The following FRMPD4 variants were observed in gnomAD, a reference collection of about 807,000 sequenced individuals.
FRMPD4 encodes the protein FERM and PDZ domain containing 4.
In FRMPD4, 22 loss-of-function variants were observed where a neutral mutation model predicts 94.1. That is an observed-to-expected ratio of 0.23 (90% confidence interval 0.17 to 0.33). The LOEUF (loss-of-function observed/expected upper bound fraction) is 0.33. Ranked by LOEUF, FRMPD4 falls within the 10% of genes least tolerant of loss-of-function variation. FRMPD4 has a pLI of 1.00. For missense variants in FRMPD4, 1,111 were observed against 1,339.9 expected (o/e 0.83, Z 2.67); for synonymous variants, 631 against 548.6 (o/e 1.15, Z -2.10).
chrX:12,630,218 A>C lies in FRMPD4; in HGVS notation c.422+15337A>C, dbSNP rs192945755. ...GAATGACCCAAATCAGGGATGAACAAACTTTTCCCTTAAAAGGCCCAGATA... is the reference window on the plus strand; with the variant it reads ...GAATGACCCAAATCAGGGATGAACACACTTTTCCCTTAAAAGGCCCAGATA... On this transcript the variant is annotated intron_variant, in intron 4 of 16. Transcript: ENST00000675598. Among the ~76,000 whole-genome samples the C allele has an allele frequency of 1.9e-3, 211 of 112,634 alleles. 1 individual carries two copies. Among genetic ancestry groups the C allele is most frequent in the South Asian group, 0.014 (38 of 2,713 alleles).
chrX:12,220,907 T>C (rs2056858508), intron 1 of FRMPD4, among the ~76,000 whole-genome samples: 1 of 112,071 alleles, frequency 8.9e-6, no homozygotes, highest in African/African-American at 3.2e-5. Flanking sequence ...GCAGATAATT[T>C]AGAGCAAGAT....
chrX:11,969,583 G>C (rs1238341854), intron 3 of FRMPD4, among the ~76,000 whole-genome samples: 2 of 111,780 alleles, frequency 1.8e-5, no homozygotes, highest in African/African-American at 6.5e-5. Context: ...GTTGAAAGTT[G>C]CCTAAATAAA....
intron 3 of FRMPD4, among the ~76,000 whole-genome samples, chrX:12,084,210 T>C (rs1474050001): frequency 9.7e-6 from 1 of 102,830 alleles, no homozygotes; most frequent in African/African-American, 3.6e-5. Context: ...TGGGGGCTGG[T>C]CTTTCCTGTG....
At chrX:11,979,048 T>C (rs1263123456) in intron 3 of FRMPD4, among the ~76,000 whole-genome samples, 1 of 111,327 alleles carries the variant, frequency 9.0e-6, no homozygotes, top group Non-Finnish European at 1.9e-5. Flanking sequence ...AAAAGTAAAG[T>C]AAAAACCCAT....
intron 1 of FRMPD4, among the ~76,000 whole-genome samples, chrX:12,412,149 A>G (rs750180271): frequency 8.9e-6 from 1 of 112,442 alleles, no homozygotes; most frequent in African/African-American, 3.2e-5. Context: ...GTGATTCAAA[A>G]GTAAGCACAA....
chrX:12,623,724 T>C (rs1401031962), intron 4 of FRMPD4, among the ~76,000 whole-genome samples: 3 of 109,645 alleles, frequency 2.7e-5, no homozygotes, highest in African/African-American at 1.0e-4. Context: ...ATAACCAAAT[T>C]TTTAAAAGCC....
intron 1 of FRMPD4, among the ~76,000 whole-genome samples, chrX:12,256,517 C>T (rs888236105): frequency 1.8e-5 from 2 of 111,865 alleles, no homozygotes; most frequent in Admixed American, 1.9e-4. Flanking sequence ...CTTGGAGCCT[C>T]ATTGCAGGGC....
rs767610262 is a variant in FRMPD4 at position 12,175,242 on chromosome X, G to T, written c.41+36230G>T. ...ATGGAGGGCAAGGAATAAAGAATGG[G>T]CAGGAGATGAGAGACATCAATAAAT... On this transcript the variant is annotated intron_variant, in intron 1 of 16. Transcript: ENST00000675598. Among the ~76,000 whole-genome samples the T allele has an allele frequency of 4.5e-5, 5 of 112,131 alleles. No homozygotes were observed. In the East Asian group the frequency reaches 1.1e-3, roughly 25 times the overall value.
At chrX:11,825,948 G>A (rs188157566) in intron 1 of FRMPD4, among the ~76,000 whole-genome samples, 88 of 112,021 alleles carry the variant, frequency 7.9e-4, no homozygotes, top group African/African-American at 2.8e-3. Flanking sequence ...GTTTTTAATA[G>A]AGACGTGTAC....
intron 1 of FRMPD4, among the ~76,000 whole-genome samples, chrX:12,204,683 C>T (rs1397317966): frequency 2.7e-5 from 3 of 111,046 alleles, no homozygotes; most frequent in Non-Finnish European, 5.7e-5. Flanking sequence ...ACGCCTTTTC[C>T]CTTCTCTTCT....
chrX:12,659,760 C>G (rs1208070583), intron 4 of FRMPD4, among the ~76,000 whole-genome samples: 2 of 112,494 alleles, frequency 1.8e-5, no homozygotes, highest in African/African-American at 3.2e-5. Flanking sequence ...TCATGAAAAG[C>G]TGCTGCCTTT....
At chrX:11,896,274 C>T (rs756563182) in intron 3 of FRMPD4, among the ~76,000 whole-genome samples, 1 of 112,280 alleles carries the variant, frequency 8.9e-6, no homozygotes, top group Non-Finnish European at 1.9e-5. Flanking sequence ...CTTTTCACCC[C>T]CCGCAGTGCC....
At chrX:12,188,572 A>G (rs1261503404) in intron 1 of FRMPD4, among the ~76,000 whole-genome samples, 1 of 111,903 alleles carries the variant, frequency 8.9e-6, no homozygotes, top group African/African-American at 3.2e-5. Context: ...TAACGTTTTA[A>G]CTGAGCACAG....
chrX:11,923,151 T>C (rs2054067491), intron 3 of FRMPD4, among the ~76,000 whole-genome samples: 1 of 113,115 alleles, frequency 8.8e-6, no homozygotes, highest in African/African-American at 3.2e-5. Context: ...TGTGTCTGCA[T>C]GGGCAGGTTT....
At chrX:12,026,670 T>A (rs765695246) in intron 3 of FRMPD4, among the ~76,000 whole-genome samples, 36 of 112,504 alleles carry the variant, frequency 3.2e-4, no homozygotes, top group Non-Finnish European at 6.0e-4. Context: ...ACCCTCCCCA[T>A]GTATGAATCA....
chrX:12,208,155 C>T (rs1210524068), intron 1 of FRMPD4, among the ~76,000 whole-genome samples: 1 of 111,671 alleles, frequency 9.0e-6, no homozygotes, highest in Non-Finnish European at 1.9e-5. Flanking sequence ...CAAAATTCAA[C>T]ACTCTTCAGA....
intron 3 of FRMPD4, among the ~76,000 whole-genome samples, chrX:12,076,645 G>A (rs766731900): frequency 2.7e-5 from 3 of 110,061 alleles, no homozygotes; most frequent in Non-Finnish European, 5.7e-5. Context: ...TAGAGATCAA[G>A]GACCCTCAAA....
intron 2 of FRMPD4, among the ~76,000 whole-genome samples, chrX:12,553,042 G>A (rs1427356892): frequency 9.0e-6 from 1 of 111,220 alleles, no homozygotes; most frequent in African/African-American, 3.3e-5. Context: ...TGTAATCCCA[G>A]CTACTTGGGA....
At chrX:11,960,627 C>A (rs987988005) in intron 3 of FRMPD4, among the ~76,000 whole-genome samples, 2 of 111,854 alleles carry the variant, frequency 1.8e-5, no homozygotes, top group Admixed American at 1.9e-4. Flanking sequence ...TTTATTTTGT[C>A]TTTATTCTCT....
Sources: allele counts gnomAD v4.1 joint callset (sites outside exome capture counted in the v4.1 genomes callset), GRCh38; gene constraint gnomAD v4.1.1; transcripts MANE v1.5; gene names NCBI Gene and HGNC (gene_info 2026-07-23, HGNC 2026-07-21).